CYB5B: variants seen among roughly 807,000 people sequenced by gnomAD.
CYB5B encodes the protein cytochrome b5 type B (outer mitochondrial membrane).
In CYB5B, 14 loss-of-function variants were observed where a neutral mutation model predicts 21.3. The ratio of observed to expected loss-of-function variants is 0.66; its 90% confidence interval spans 0.43 to 1.03. CYB5B has a LOEUF of 1.03. Ranked by LOEUF, CYB5B falls within the 50% of genes least tolerant of loss-of-function variation. CYB5B has a pLI of 0.00. For synonymous variants in CYB5B, 69 were observed against 68.4 expected (o/e 1.01, Z -0.04); for missense variants, 166 against 185.1 (o/e 0.90, Z 0.60).
chr16:69,454,026 T>C (rs1415994761), intron 3 of CYB5B, among the ~76,000 whole-genome samples: 1 of 152,220 alleles, frequency 6.6e-6, no homozygotes, highest in Non-Finnish European at 1.5e-5. Flanking sequence ...AGAAATGATG[T>C]ATAGTTTTGC....
chr16:69,452,464 C>T (rs951316958), intron 3 of CYB5B, among the ~76,000 whole-genome samples: 7 of 151,658 alleles, frequency 4.6e-5, no homozygotes, highest in African/African-American at 1.7e-4. Flanking sequence ...ACGGATCACA[C>T]GAGGCCAGGA....
At chr16:69,444,570 T>C (rs1199951436) in intron 1 of CYB5B, among the ~76,000 whole-genome samples, 1 of 152,134 alleles carries the variant, frequency 6.6e-6, no homozygotes, top group East Asian at 1.9e-4. Context: ...TCTTTTTGCT[T>C]GTTCTAAGCC....
chr16:69,444,131 A>C (rs1010276120), intron 1 of CYB5B: 2 of 155,544 alleles, frequency 1.3e-5, no homozygotes, highest in East Asian at 3.7e-4. Flanking sequence ...CTCTGCTTCA[A>C]ATTAGGACTT....
chr16:69,446,059 C>T (rs970180423), intron 1 of CYB5B, among the ~76,000 whole-genome samples: 1 of 152,072 alleles, frequency 6.6e-6, no homozygotes, highest in African/African-American at 2.4e-5. Flanking sequence ...AGATTTTATG[C>T]ATGGGTATAA....
intron 1 of CYB5B, among the ~76,000 whole-genome samples, chr16:69,433,446 A>G (rs1448353903): frequency 1.3e-5 from 2 of 152,186 alleles, no homozygotes; most frequent in Non-Finnish European, 1.5e-5. Context: ...ACAAAAGATA[A>G]CATACTATGC....
intron 1 of CYB5B, among the ~76,000 whole-genome samples, chr16:69,445,064 C>A (rs188151067): frequency 6.6e-5 from 10 of 152,306 alleles, no homozygotes; most frequent in Admixed American, 2.6e-4. Context: ...ATGTTGTAAT[C>A]TATGAAGGAG....
intron 4 of CYB5B, among the ~76,000 whole-genome samples, chr16:69,460,266 A>G (rs965468453): frequency 4.6e-5 from 7 of 152,218 alleles, no homozygotes; most frequent in African/African-American, 1.4e-4. Flanking sequence ...TGCTTATGCT[A>G]TAAAACTTAG....
intron 1 of CYB5B, among the ~76,000 whole-genome samples, chr16:69,444,448 A>G (rs951290197): frequency 1.3e-5 from 2 of 151,678 alleles, no homozygotes; most frequent in Non-Finnish European, 2.9e-5. Context: ...AGTGATTCCA[A>G]CTCCTCCAGC....
At position 69,465,525 on chromosome 16, in the gene CYB5B, G is replaced by A. The variant is rs910054020; in HGVS notation, c.*3005G>A. 3 of 152,144 alleles carry A rather than the reference G, an allele frequency of 2.0e-5. No individual in the cohort carries two copies. The highest frequency in any genetic ancestry group is 4.1e-4 in the South Asian group (2 of 4,828). 9.4% of individuals were successfully genotyped at this position (152,144 alleles called of 1,614,324 possible). A position where few individuals can be genotyped will look rare whatever the true frequency, so the allele number is the denominator to read the frequency against. The stretch of plus-strand genomic sequence containing the variant: ...AAACAAAAATCCCTTGGAACCTATC[G>A]TTTGAGCCTGTAAAGTTGTTTTAGC... On this transcript the variant is annotated 3_prime_UTR_variant, in exon 5 of 5. Transcript: ENST00000307892.
At chr16:69,424,987 T>A in intron 1 of CYB5B, 130 bp downstream of exon 1, 2 of 951,010 alleles carry the variant, frequency 2.1e-6, no homozygotes, top group Non-Finnish European at 2.9e-6. Flanking sequence ...ATCACGACCC[T>A]CAGAGGGAAA....
chr16:69,445,845 A>G (rs1248439366), intron 1 of CYB5B, among the ~76,000 whole-genome samples: 1 of 152,200 alleles, frequency 6.6e-6, no homozygotes, highest in Non-Finnish European at 1.5e-5. Context: ...AATCCCAGCT[A>G]CTTGGGAGGC....
At chr16:69,427,374 A>G (rs2014658751) in intron 1 of CYB5B, among the ~76,000 whole-genome samples, 1 of 151,870 alleles carries the variant, frequency 6.6e-6, no homozygotes. Flanking sequence ...GTCTCAAGTA[A>G]TAGTTGCTAA....
intron 1 of CYB5B, among the ~76,000 whole-genome samples, chr16:69,427,098 G>C (rs1309988614): frequency 6.6e-6 from 1 of 152,114 alleles, no homozygotes; most frequent in Non-Finnish European, 1.5e-5. Context: ...AAATAAGCCA[G>C]GCTTGGTGGC....
chr16:69,434,798 G>C (rs1426336957), intron 1 of CYB5B, among the ~76,000 whole-genome samples: 2 of 150,258 alleles, frequency 1.3e-5, no homozygotes, highest in African/African-American at 4.9e-5. Flanking sequence ...GGGAGGTGGA[G>C]GTTGCAGTGA....
chr16:69,461,162 G>A (rs1054504592), intron 4 of CYB5B, among the ~76,000 whole-genome samples: 1 of 150,532 alleles, frequency 6.6e-6, no homozygotes, highest in African/African-American at 2.5e-5. Flanking sequence ...CCAAGATCGC[G>A]CCACCGCACT....
chr16:69,465,840 AAAT>A lies in CYB5B; in HGVS notation c.*3322_*3324del, dbSNP rs2142831621. ...TTTTAAACTATCTTATTCTGTTGCC[AAAT>A]ATCACAGAAGTAATGAGGAGTTTAG... On this transcript the variant is annotated 3_prime_UTR_variant, in exon 5 of 5. Transcript: ENST00000307892. The A allele has an allele frequency of 6.6e-6, 1 of 152,358 alleles. No individual in the cohort carries two copies. Among genetic ancestry groups the A allele is most frequent in the South Asian group, 2.1e-4 (1 of 4,832 alleles). The allele number at this position is 152,358 out of a possible 1,614,324, so 9.4% of individuals were successfully genotyped here.
chr16:69,444,754 A>G (rs528862957), intron 1 of CYB5B, among the ~76,000 whole-genome samples: 1 of 151,114 alleles, frequency 6.6e-6, no homozygotes, highest in Non-Finnish European at 1.5e-5. Flanking sequence ...ATCACTGCCT[A>G]CCACACAAAA....
Position 69,447,152 on chromosome 16 carries a change from C to G in CYB5B, c.177C>G (p.His59Gln). The part of the protein sequence containing the change: ...VYDVTRFLNE[H>Q]PGGEEVLLEQ... ...CAGTAAATATCTTTTCCTTGTAGCA[C>G]CCTGGAGGAGAAGAGGTTCTGCTGG... The change falls in exon 2 of 5, where the codon CAC becomes CAG. Residue 59 changes from histidine to glutamine, a missense_variant and splice_region_variant. Physicochemically the swap from His to Gln is conservative, Grantham distance 24. Transcript: ENST00000307892. 6.2e-7 allele frequency: 1 copy of G among 1,613,752 alleles called. No homozygotes were observed. The highest frequency in any genetic ancestry group is 1.1e-5 in the South Asian group (1 of 91,040).
intron 4 of CYB5B, 66 bp from the exon 5 acceptor site, chr16:69,462,364 C>A: frequency 7.7e-7 from 1 of 1,298,550 alleles, no homozygotes; most frequent in Non-Finnish European, 1.1e-6. Flanking sequence ...CATGTGAAAG[C>A]TGAAAGATAG....
Sources: gnomAD v4.1 joint callset for allele counts (sites outside exome capture counted in the v4.1 genomes callset) on GRCh38, gnomAD v4.1.1 for gene constraint, MANE v1.5 for transcripts, NCBI Gene and HGNC (gene_info 2026-07-23, HGNC 2026-07-21) for gene names.